Variants in PTPRT observed in about 807,000 individuals in gnomAD.
The protein encoded by PTPRT is receptor-type tyrosine-protein phosphatase T.
In PTPRT, 56 loss-of-function variants were observed where a neutral mutation model predicts 176.8. The ratio of observed to expected loss-of-function variants is 0.32; its 90% CI spans 0.26 to 0.40. The LOEUF (loss-of-function observed/expected upper bound fraction) is 0.40, where lower values mean the gene tolerates loss of function less well. PTPRT is among the 10% of genes least tolerant of loss of function. The probability of loss-of-function intolerance (pLI) is 1.00; values close to 1 mark genes in which losing one functional copy is unlikely to be tolerated. For synonymous variants in PTPRT, 783 were observed against 739.0 expected (o/e 1.06, Z -0.96); for missense variants, 1,540 against 1,908.2 (o/e 0.81, Z 3.60).
intron 16 of PTPRT, among the ~76,000 whole-genome samples, chr20:42,195,717 GC>G (rs1380541464): frequency 2.0e-5 from 3 of 152,166 alleles, no homozygotes; most frequent in African/African-American, 7.2e-5. Flanking sequence ...TATGATGAAT[GC>G]ATATATACAG....
chr20:42,085,890 G>T, intron 27 of PTPRT, 37 bp from the exon 28 acceptor site: 1 of 1,567,864 alleles, frequency 6.4e-7, no homozygotes, highest in Non-Finnish European at 8.7e-7. Flanking sequence ...GGAGCTCAAA[G>T]GCAGGGGGCG....
chr20:42,282,019 T>C (rs1346152230), intron 13 of PTPRT, among the ~76,000 whole-genome samples: 1 of 152,138 alleles, frequency 6.6e-6, no homozygotes. Context: ...CACGTAATAA[T>C]GCAGCGTTTG....
At chr20:43,156,280 T>C (rs1412639799) in intron 1 of PTPRT, among the ~76,000 whole-genome samples, 1 of 152,074 alleles carries the variant, frequency 6.6e-6, no homozygotes, top group Non-Finnish European at 1.5e-5. Flanking sequence ...ACCTCAGAAT[T>C]AGGAGCTACA....
At chr20:42,552,489 T>C (rs1368166665) in intron 7 of PTPRT, among the ~76,000 whole-genome samples, 1 of 152,182 alleles carries the variant, frequency 6.6e-6, no homozygotes, top group African/African-American at 2.4e-5. Flanking sequence ...GCTCTCAGTG[T>C]AGCACAAAAG....
chr20:42,071,302 A>G (rs572881700), downstream of PTPRT, among the ~76,000 whole-genome samples: 3 of 152,176 alleles, frequency 2.0e-5, no homozygotes, highest in South Asian at 4.1e-4. Context: ...GCTCATCCAG[A>G]AGAAAATAGA....
At chr20:42,394,093 G>T (rs112255238) in intron 9 of PTPRT, among the ~76,000 whole-genome samples, 3 of 150,416 alleles carry the variant, frequency 2.0e-5, no homozygotes, top group Admixed American at 6.6e-5. Flanking sequence ...CTTCAAAAAT[G>T]GTGAAAATGT....
intron 3 of PTPRT, among the ~76,000 whole-genome samples, chr20:42,781,183 A>C (rs1009872342): frequency 1.7e-4 from 25 of 151,028 alleles, no homozygotes; most frequent in Non-Finnish European, 4.4e-5. Flanking sequence ...ATTAATGCAG[A>C]AGGTCCAGGC....
intron 2 of PTPRT, among the ~76,000 whole-genome samples, chr20:42,793,947 C>T (rs1293778506): frequency 6.6e-6 from 1 of 152,170 alleles, no homozygotes; most frequent in Non-Finnish European, 1.5e-5. Context: ...TCCCATGATA[C>T]CCGCATGCAC....
chr20:43,037,740 C>T (rs887599315), intron 1 of PTPRT, among the ~76,000 whole-genome samples: 8 of 152,150 alleles, frequency 5.3e-5, no homozygotes, highest in African/African-American at 1.9e-4. Flanking sequence ...TCATTGGGTA[C>T]ACCTATGACA....
rs2014742553 is a variant in PTPRT, at chr20:43,163,052, G to A, written c.88+26594C>T. Among the ~76,000 whole-genome samples the A allele has an allele frequency of 2.0e-5, 3 of 152,346 alleles. No homozygotes were observed. The South Asian group carries it at 6.2e-4, about 32-fold the overall frequency. ...CCCAGAGAAGGAACTCAGCAAAATG[G>A]TGAACCAGAAGAACTGGCTAGGAAG... On this transcript the variant is annotated intron_variant, in intron 1 of 30. Coordinates refer to ENST00000373187, the MANE Select transcript of PTPRT (RefSeq NM_007050.6).
intron 1 of PTPRT, among the ~76,000 whole-genome samples, chr20:43,108,419 T>C (rs2012710809): frequency 6.6e-6 from 1 of 152,146 alleles, no homozygotes. Context: ...TTCCATATTC[T>C]CATCACAGAC....
intron 7 of PTPRT, among the ~76,000 whole-genome samples, chr20:42,616,595 G>T (rs1422526597): frequency 8.7e-6 from 1 of 114,740 alleles, no homozygotes; most frequent in Non-Finnish European, 1.7e-5. Context: ...CCATTTGTTT[G>T]TATCCTCTTT....
At chr20:42,168,618 T>C (rs1276325532) in intron 16 of PTPRT, among the ~76,000 whole-genome samples, 1 of 152,214 alleles carries the variant, frequency 6.6e-6, no homozygotes, top group Non-Finnish European at 1.5e-5. Flanking sequence ...TTTCAACTGC[T>C]AAAAATTTCT....
intron 13 of PTPRT, among the ~76,000 whole-genome samples, chr20:42,276,438 T>C (rs1351676549): frequency 1.5e-5 from 2 of 136,338 alleles, no homozygotes; most frequent in African/African-American, 2.7e-5. Flanking sequence ...CTGTGCTTAG[T>C]AGGTCTGGGT....
chr20:42,943,355 T>C (rs1170137199), intron 1 of PTPRT, among the ~76,000 whole-genome samples: 1 of 152,176 alleles, frequency 6.6e-6, no homozygotes, highest in African/African-American at 2.4e-5. Flanking sequence ...GGGATTGGCT[T>C]GTGAAGGGAT....
At chr20:42,330,234 G>C (rs2145432144) in intron 11 of PTPRT, among the ~76,000 whole-genome samples, 1 of 152,318 alleles carries the variant, frequency 6.6e-6, no homozygotes. Context: ...ACTTTGGGAG[G>C]CTGAGGTGGG....
intron 1 of PTPRT, among the ~76,000 whole-genome samples, chr20:43,163,908 G>T (rs1277975507): frequency 6.6e-6 from 1 of 152,136 alleles, no homozygotes; most frequent in East Asian, 1.9e-4. Context: ...GTTGCAAATT[G>T]AATGTTTAAA....
intron 1 of PTPRT, among the ~76,000 whole-genome samples, chr20:42,902,092 C>G (rs2079412641): frequency 6.6e-6 from 1 of 152,136 alleles, no homozygotes; most frequent in African/African-American, 2.4e-5. Context: ...TGCAGGAAAC[C>G]AGGAGATGGA....
At chr20:42,971,731 C>G (rs1168412515) in intron 1 of PTPRT, among the ~76,000 whole-genome samples, 1 of 152,184 alleles carries the variant, frequency 6.6e-6, no homozygotes, top group Admixed American at 6.5e-5. Context: ...ACAGGATCGC[C>G]AACACACAAG....
Sources: gnomAD v4.1 joint callset for allele counts (sites outside exome capture counted in the v4.1 genomes callset) on GRCh38, gnomAD v4.1.1 for gene constraint, MANE v1.5 for transcripts, NCBI Gene and HGNC (gene_info 2026-07-23, HGNC 2026-07-21) for gene names.